The following EPAS1 variants were observed in gnomAD, a reference collection of about 807,000 sequenced individuals.
EPAS1 encodes the protein endothelial PAS domain protein 1.
A neutral mutation model predicts 87.9 loss-of-function variants in EPAS1; 23 were observed. That is an observed-to-expected ratio of 0.26 (90% CI 0.19 to 0.37). EPAS1 has a LOEUF of 0.37. Among genes scored for constraint, EPAS1 ranks in the 10% least tolerant of loss-of-function variants. EPAS1 has a pLI of 1.00. For synonymous variants in EPAS1, 508 were observed against 444.3 expected (o/e 1.14, Z -1.80); for missense variants, 1,138 against 1,120.7 (o/e 1.02, Z -0.22).
chr2:46,333,202 C>G (rs1683722793), intron 1 of EPAS1, among the ~76,000 whole-genome samples: 1 of 152,174 alleles, frequency 6.6e-6, no homozygotes, highest in South Asian at 2.1e-4. Context: ...GCAATACCCC[C>G]ACAGCTGGGG....
chr2:46,336,552 C>A (rs1683798091), intron 1 of EPAS1, among the ~76,000 whole-genome samples: 1 of 152,108 alleles, frequency 6.6e-6, no homozygotes, highest in South Asian at 2.1e-4. Context: ...TAATGTAGGG[C>A]TTAGTAAAAT....
At chr2:46,316,749 C>A (rs558583680) in intron 1 of EPAS1, among the ~76,000 whole-genome samples, 19 of 150,842 alleles carry the variant, frequency 1.3e-4, no homozygotes, top group African/African-American at 4.7e-4. Flanking sequence ...TGAAATCAGA[C>A]AAGAATGAAG....
chr2:46,329,805 A>C (rs560253245), intron 1 of EPAS1, among the ~76,000 whole-genome samples: 22 of 152,280 alleles, frequency 1.4e-4, no homozygotes, highest in African/African-American at 5.3e-4. Flanking sequence ...TGACAGAGCA[A>C]GACTCCATCT....
chr2:46,342,584 C>T (rs1030221629), intron 1 of EPAS1, among the ~76,000 whole-genome samples: 2 of 152,158 alleles, frequency 1.3e-5, no homozygotes, highest in African/African-American at 2.4e-5. Flanking sequence ...AAAAGTCTAG[C>T]TAATTAGGCA....
intron 6 of EPAS1, among the ~76,000 whole-genome samples, chr2:46,368,774 A>G (rs1281795293): frequency 6.6e-6 from 1 of 152,200 alleles, no homozygotes; most frequent in Non-Finnish European, 1.5e-5. Context: ...CTAACTTGTG[A>G]TAGGCCAAGT....
At chr2:46,370,765 T>G (rs562517390) in intron 7 of EPAS1, among the ~76,000 whole-genome samples, 1 of 152,246 alleles carries the variant, frequency 6.6e-6, no homozygotes, top group Non-Finnish European at 1.5e-5. Flanking sequence ...AGTTCTAGAG[T>G]GTATCCTTGG....
At chr2:46,374,634 C>T (rs1187200019) in intron 7 of EPAS1, among the ~76,000 whole-genome samples, 2 of 152,212 alleles carry the variant, frequency 1.3e-5, no homozygotes, top group South Asian at 2.1e-4. Flanking sequence ...TCCCGATCCT[C>T]CCTCCATGCC....
intron 1 of EPAS1, among the ~76,000 whole-genome samples, chr2:46,304,253 T>G (rs2104836742): frequency 6.6e-6 from 1 of 152,290 alleles, no homozygotes; most frequent in Middle Eastern, 3.4e-3. Context: ...TCCTGTGAGA[T>G]AAGCCCTGTT....
chr2:46,383,707 T>C (rs1684951918), intron 15 of EPAS1, among the ~76,000 whole-genome samples: 2 of 152,000 alleles, frequency 1.3e-5, no homozygotes, highest in Non-Finnish European at 2.9e-5. Flanking sequence ...TTCAAAAGAG[T>C]TGAATCATAT....
rs1285513279 is a variant in EPAS1, at chr2:46,381,665, G to A, written c.2115G>A (p.Lys705=). 1.2e-6 allele frequency: 2 copies of A among 1,614,020 alleles called. No homozygotes were observed. Among genetic ancestry groups the A allele is most frequent in the Non-Finnish European group, 1.7e-6 (2 of 1,180,034 alleles). The part of the protein sequence containing the change: ...LSPAMVALSN[K]LKLKRQLEYE... ...CGGCCATGGTAGCCCTCTCCAACAA[G>A]CTGAAGCTGAAGCGACAGCTGGAGT... is the stretch of plus-strand genomic sequence containing the variant. The change falls in exon 13 of 16, where the codon AAG becomes AAA. Residue 705 remains lysine (K), a synonymous_variant. Transcript: ENST00000263734.
intron 1 of EPAS1, among the ~76,000 whole-genome samples, chr2:46,342,651 T>A (rs1683934602): frequency 6.6e-6 from 1 of 152,184 alleles, no homozygotes; most frequent in South Asian, 2.1e-4. Context: ...CCAGGCTGTG[T>A]TCATATGGAA....
chr2:46,327,556 T>A (rs1315069400), intron 1 of EPAS1, among the ~76,000 whole-genome samples: 1 of 152,152 alleles, frequency 6.6e-6, no homozygotes, highest in African/African-American at 2.4e-5. Context: ...TAAATTAAAG[T>A]TGAACTGCAG....
chr2:46,302,607 C>A (rs927305474), intron 1 of EPAS1, among the ~76,000 whole-genome samples: 2 of 152,132 alleles, frequency 1.3e-5, no homozygotes, highest in Admixed American at 6.5e-5. Flanking sequence ...GATATTCACC[C>A]TAAGATATAA....
At chr2:46,333,612 T>C (rs151139869) in intron 1 of EPAS1, among the ~76,000 whole-genome samples, 147 of 152,042 alleles carry the variant, frequency 9.7e-4, no homozygotes, top group African/African-American at 3.3e-3. Context: ...TGGCAGGGCA[T>C]AGTGTGGTCT....
intron 6 of EPAS1, among the ~76,000 whole-genome samples, chr2:46,363,017 G>GTGGTGGTGGTGATGATGA (rs1410002978): frequency 1.4e-5 from 2 of 144,276 alleles, no homozygotes; most frequent in African/African-American, 5.2e-5. Context: ...GGTGGTGGTG[G>GTGGTGGTGGTGATGATGA]TGATAATGAT....
chr2:46,377,850 C>A, intron 9 of EPAS1, 44 bp from the exon 10 acceptor site: 1 of 1,551,628 alleles, frequency 6.4e-7, no homozygotes, highest in Non-Finnish European at 8.7e-7. Context: ...TGGGGTGAGC[C>A]CGATGGTTGT....
intron 1 of EPAS1, among the ~76,000 whole-genome samples, chr2:46,334,631 C>CA (rs1683752771): frequency 6.6e-6 from 1 of 152,198 alleles, no homozygotes; most frequent in African/African-American, 2.4e-5. Context: ...TCCCTGAGGT[C>CA]AGGCATAGTT....
rs1435350752 is a variant in EPAS1 at position 46,300,210 on chromosome 2, G to A, written c.26+2273G>A. On this transcript the variant is annotated intron_variant, in intron 1 of 15. Transcript: ENST00000263734. The surrounding 1 kb of genome is among the most constrained non-coding windows in gnomAD (Gnocchi z 4.1). ...GTGAACCAATACATTGAAAGTTGGT[G>A]TTGTCATGTAAGTGACTGCTGTAGC... Among the ~76,000 whole-genome samples the A allele has an allele frequency of 6.6e-6, 1 of 152,226 alleles. No homozygotes were observed. Among genetic ancestry groups the A allele is most frequent in the African/African-American group, 2.4e-5 (1 of 41,446 alleles).
At position 46,380,349 on chromosome 2, in the gene EPAS1, C is replaced by T. The variant is rs147377225; in HGVS notation, c.1677C>T (p.Thr559=). 1.2e-6 allele frequency: 2 copies of T among 1,614,172 alleles called. No homozygotes were observed. The highest frequency in any genetic ancestry group is 8.5e-7 in the Non-Finnish European group (1 of 1,180,026). ...ERLLAENPQS[T]PQHCFSAMTN... ...TCTTGGCGGAGAACCCACAGTCCACCCCCCAGCACTGCTTCAGTGCCATGA... is the reference window on the plus strand; with the variant it reads ...TCTTGGCGGAGAACCCACAGTCCACTCCCCAGCACTGCTTCAGTGCCATGA... The change falls in exon 12 of 16, where the codon ACC becomes ACT. Residue 559 remains threonine, a synonymous_variant. Transcript: ENST00000263734. This position sits in a 1 kb window ranked among gnomAD's most constrained non-coding sequence, Gnocchi z 4.4.
Sources: gnomAD v4.1 joint callset for allele counts (sites outside exome capture counted in the v4.1 genomes callset) on GRCh38, gnomAD v4.1.1 for gene constraint, Gnocchi (gnomAD v3.1) non-coding constraint, MANE v1.5 for transcripts, NCBI Gene and HGNC (gene_info 2026-07-23, HGNC 2026-07-21) for gene names.